Variants in TMEM178B observed in about 807,000 individuals in gnomAD.
TMEM178B encodes the protein transmembrane protein 178B.
Under a neutral mutation model 31.0 loss-of-function variants are expected in TMEM178B, and 5 were observed. The observed-to-expected ratio is 0.16, with a 90% CI of 0.08 to 0.34. The LOEUF is 0.34. Ranked by LOEUF, TMEM178B falls within the 10% of genes least tolerant of loss-of-function variation. The pLI is 1.00. For synonymous variants in TMEM178B, 164 were observed against 164.0 expected (o/e 1.00, Z 0.00); for missense variants, 275 against 400.3 (o/e 0.69, Z 2.67).
At chr7:141,361,417 T>C (rs567461048) in intron 2 of TMEM178B, among the ~76,000 whole-genome samples, 12 of 152,206 alleles carry the variant, frequency 7.9e-5, no homozygotes, top group Non-Finnish European at 4.4e-5. Flanking sequence ...CCAAGCACAG[T>C]TGGGGGAGAG....
chr7:141,159,964 A>T (rs1186772780), intron 1 of TMEM178B, among the ~76,000 whole-genome samples: 1 of 149,682 alleles, frequency 6.7e-6, no homozygotes, highest in Non-Finnish European at 1.5e-5. Context: ...AAAATTGTTC[A>T]ATAATGGGGA....
chr7:141,139,745 T>G (rs1318956645), intron 1 of TMEM178B, among the ~76,000 whole-genome samples: 1 of 151,956 alleles, frequency 6.6e-6, no homozygotes, highest in East Asian at 1.9e-4. Flanking sequence ...TCCTGTTACT[T>G]CTTGGTGAAC....
chr7:141,258,148 G>A (rs1797957451), intron 2 of TMEM178B, among the ~76,000 whole-genome samples: 1 of 136,288 alleles, frequency 7.3e-6, no homozygotes, highest in Admixed American at 7.9e-5. Context: ...TCTCCTTTAT[G>A]CTATTATTAT....
At chr7:141,301,736 C>T (rs1022898277) in intron 2 of TMEM178B, among the ~76,000 whole-genome samples, 3 of 152,150 alleles carry the variant, frequency 2.0e-5, no homozygotes, top group Non-Finnish European at 4.4e-5. Context: ...GGGACCTGTG[C>T]GTGTTCCCAG....
chr7:141,379,583 A>C (rs1800279229), intron 2 of TMEM178B, among the ~76,000 whole-genome samples: 1 of 152,184 alleles, frequency 6.6e-6, no homozygotes, highest in Admixed American at 6.5e-5. Context: ...GTTTGTTATT[A>C]TTTTTAATCC....
Position 141,422,054 on chromosome 7 carries a change from T to C in TMEM178B, c.497-15554T>C, listed in dbSNP as rs1801220396. Among the ~76,000 whole-genome samples, 4 of 152,204 alleles carry C rather than the reference T, an allele frequency of 2.6e-5. No homozygotes were observed. The highest frequency in any genetic ancestry group is 2.6e-4 in the Admixed American group (4 of 15,280). On this transcript the variant is annotated intron_variant, in intron 2 of 3. Transcript: ENST00000565468. The surrounding 1 kb of genome is among the most constrained non-coding windows in gnomAD (Gnocchi z 4.2). The stretch of plus-strand genomic sequence containing the variant: ...GTTTACATCTTCTCCCTTTCCCAGC[T>C]CGGGCTTGACATTTTCTTAGAAACC...
intron 2 of TMEM178B, among the ~76,000 whole-genome samples, chr7:141,227,395 A>G (rs1397788819): frequency 6.6e-6 from 1 of 152,230 alleles, no homozygotes; most frequent in African/African-American, 2.4e-5. Context: ...TTGCATTCGT[A>G]TGCAATAATC....
At chr7:141,160,197 C>A (rs1796145853) in intron 1 of TMEM178B, among the ~76,000 whole-genome samples, 1 of 151,952 alleles carries the variant, frequency 6.6e-6, no homozygotes, top group Non-Finnish European at 1.5e-5. Context: ...CCTTTTATCC[C>A]TCACCCCACT....
chr7:141,438,254 T>G (rs1801586698), intron 3 of TMEM178B, among the ~76,000 whole-genome samples: 1 of 152,084 alleles, frequency 6.6e-6, no homozygotes, highest in Admixed American at 6.5e-5. Flanking sequence ...CTCTCTTATA[T>G]CTGTCTCTCT....
rs1160987331 is a variant in TMEM178B, at chr7:141,344,569, C to CTCCTCCCTTCCTTCCT, written c.497-93034_497-93019dup. 7.0e-6 allele frequency among the ~76,000 whole-genome samples: 1 copy of CTCCTCCCTTCCTTCCT among 142,214 alleles called. No homozygotes were observed. Among genetic ancestry groups the CTCCTCCCTTCCTTCCT allele is most frequent in the Admixed American group, 7.2e-5 (1 of 13,978 alleles). 93.3% of individuals were successfully genotyped at this position (142,214 alleles called of 152,430 possible). A position where few individuals can be genotyped will look rare whatever the true frequency, so the allele number is the denominator to read the frequency against. ...TCTCCCTCCCTCCCTCCATTCCTCC[C>CTCCTCCCTTCCTTCCT]TCCTCCCTTCCTTCCTTCCTTCCTT... On this transcript the variant is annotated intron_variant, in intron 2 of 3. Coordinates refer to ENST00000565468, the MANE Select transcript of TMEM178B (RefSeq NM_001195278.2). This position sits in a 1 kb window ranked among gnomAD's most constrained non-coding sequence, Gnocchi z 4.1.
At chr7:141,290,806 C>T (rs1349244258) in intron 2 of TMEM178B, among the ~76,000 whole-genome samples, 1 of 152,190 alleles carries the variant, frequency 6.6e-6, no homozygotes. Context: ...AGACTGCAAG[C>T]TCTTGGAAGG....
At chr7:141,359,037 G>T (rs1386776545) in intron 2 of TMEM178B, among the ~76,000 whole-genome samples, 2 of 152,094 alleles carry the variant, frequency 1.3e-5, no homozygotes, top group Non-Finnish European at 2.9e-5. Flanking sequence ...TGAAACCATT[G>T]CTTTGATAAC....
intron 3 of TMEM178B, among the ~76,000 whole-genome samples, chr7:141,446,959 A>T (rs1052561299): frequency 6.6e-6 from 1 of 152,166 alleles, no homozygotes; most frequent in Non-Finnish European, 1.5e-5. Flanking sequence ...CAAACGCACT[A>T]CATGCCATCG....
chr7:141,084,316 C>G (rs546685529), intron 1 of TMEM178B, among the ~76,000 whole-genome samples: 6 of 152,138 alleles, frequency 3.9e-5, no homozygotes, highest in Admixed American at 1.3e-4. Flanking sequence ...ATCCCTTGGG[C>G]CATTTAAAAA....
In TMEM178B at chr7:141,310,335, C is replaced by T. The variant is rs79590057; in HGVS notation, c.496+97631C>T. On this transcript the variant is annotated intron_variant, in intron 2 of 3. Transcript: ENST00000565468. Reference sequence around the variant, plus strand: ...CAACAAATATGAAAAGAAGTCATCACTGATCATTAGAGAAATGCAAATCAA... The same window carrying T: ...CAACAAATATGAAAAGAAGTCATCATTGATCATTAGAGAAATGCAAATCAA... Among the ~76,000 whole-genome samples, 11 of 152,286 alleles carry T rather than the reference C, an allele frequency of 7.2e-5. No individual in the cohort carries two copies. In the East Asian group the frequency reaches 2.1e-3, roughly 29 times the overall value.
At chr7:141,169,560 C>T (rs886218507) in intron 1 of TMEM178B, among the ~76,000 whole-genome samples, 13 of 152,194 alleles carry the variant, frequency 8.5e-5, no homozygotes, top group South Asian at 2.1e-4. Flanking sequence ...TATCTAGACA[C>T]CTGGCTCTTG....
intron 1 of TMEM178B, among the ~76,000 whole-genome samples, chr7:141,149,262 A>C (rs995239432): frequency 2.0e-5 from 3 of 152,208 alleles, no homozygotes; most frequent in Admixed American, 2.0e-4. Flanking sequence ...CTTATTTAGA[A>C]ATAGGGCCTT....
Position 141,292,634 on chromosome 7 carries a change from C to CTTTT in TMEM178B, c.496+79948_496+79951dup, listed in dbSNP as rs34248650. ...TGCCCCCTGAAGTTTGCTTTTAGAT[C>CTTTT]TTTTTTTTTTTTTTTTTTTTTGAGA... is the stretch of plus-strand genomic sequence containing the variant. On this transcript the variant is annotated intron_variant, in intron 2 of 3. Coordinates refer to ENST00000565468, the MANE Select transcript of TMEM178B (RefSeq NM_001195278.2). 3.2e-3 allele frequency among the ~76,000 whole-genome samples: 338 copies of CTTTT among 106,094 alleles called. 1 individual carries two copies. The highest frequency in any genetic ancestry group is 4.3e-3 in the Non-Finnish European group (238 of 55,902). 69.6% of individuals were successfully genotyped at this position (106,094 alleles called of 152,430 possible).
At chr7:141,275,088 T>G (rs35113384) in intron 2 of TMEM178B, among the ~76,000 whole-genome samples, 5,232 of 152,312 alleles carry the variant, frequency 0.034, 114 homozygotes, top group Non-Finnish European at 0.047. Context: ...TTTGGTTCTC[T>G]GGAAGACACT....
Sources: gnomAD v4.1 joint callset for allele counts (sites outside exome capture counted in the v4.1 genomes callset) on GRCh38, gnomAD v4.1.1 for gene constraint, Gnocchi (gnomAD v3.1) non-coding constraint, MANE v1.5 for transcripts, NCBI Gene and HGNC (gene_info 2026-07-23, HGNC 2026-07-21) for gene names.